Variants in TAFA2 observed in about 807,000 individuals in gnomAD.
TAFA2 encodes the protein TAFA chemokine like family member 2.
In TAFA2, 7 loss-of-function variants were observed where a neutral mutation model predicts 18.8. The observed-to-expected ratio is 0.37, with a 90% CI of 0.21 to 0.70. TAFA2 has a LOEUF of 0.70. TAFA2 is among the 30% of genes least tolerant of loss of function. The pLI is 0.53. For missense variants in TAFA2, 122 were observed against 158.1 expected (o/e 0.77, Z 1.23); for synonymous variants, 60 against 54.2 (o/e 1.11, Z -0.47).
chr12:62,071,644 A>G (rs1882633796), intron 1 of TAFA2, among the ~76,000 whole-genome samples: 1 of 152,210 alleles, frequency 6.6e-6, no homozygotes, highest in African/African-American at 2.4e-5. Flanking sequence ...GGGACATAAT[A>G]ATCCATGGGA....
intron 1 of TAFA2, among the ~76,000 whole-genome samples, chr12:62,114,034 G>A (rs924433974): frequency 6.6e-6 from 1 of 152,036 alleles, no homozygotes; most frequent in African/African-American, 2.4e-5. Flanking sequence ...GTGCCACCAG[G>A]GTGTGAAAAA....
At position 62,146,702 on chromosome 12, in the gene TAFA2, A is replaced by G. The variant is rs1296364307; in HGVS notation, c.-2+44557T>C. Among the ~76,000 whole-genome samples the G allele has an allele frequency of 2.0e-5, 3 of 152,240 alleles. No individual in the cohort carries two copies. In the East Asian group the frequency reaches 5.8e-4, roughly 29 times the overall value. On this transcript the variant is annotated intron_variant, in intron 1 of 4. Transcript: ENST00000416284. ...GGCAATATGAAAAGTGCCATGCAACATCCTGTTACAAATAGAAACACAATC... is the reference window on the plus strand; with the variant it reads ...GGCAATATGAAAAGTGCCATGCAACGTCCTGTTACAAATAGAAACACAATC...
intron 2 of TAFA2, among the ~76,000 whole-genome samples, chr12:61,759,362 T>C (rs552327443): frequency 1.9e-3 from 293 of 152,092 alleles, no homozygotes; most frequent in Middle Eastern, 0.01. Flanking sequence ...TAAAGTAATA[T>C]GGGCCACTTA....
At chr12:62,086,425 A>G (rs371780992) in intron 1 of TAFA2, among the ~76,000 whole-genome samples, 8 of 152,294 alleles carry the variant, frequency 5.3e-5, no homozygotes, top group African/African-American at 1.9e-4. Flanking sequence ...TCCAGCATAT[A>G]TAAAGAACTC....
At chr12:61,811,330 T>C (rs1328377233) in intron 2 of TAFA2, among the ~76,000 whole-genome samples, 2 of 151,384 alleles carry the variant, frequency 1.3e-5, no homozygotes, top group Non-Finnish European at 2.9e-5. Context: ...GATTATATAG[T>C]ATTAGTTGGC....
chr12:61,911,127 A>G (rs1876593201), intron 1 of TAFA2, among the ~76,000 whole-genome samples: 1 of 152,194 alleles, frequency 6.6e-6, no homozygotes, highest in Non-Finnish European at 1.5e-5. Flanking sequence ...TTCTAGGCCA[A>G]TTATTTAAGA....
At chr12:61,741,449 G>C (rs1331474038) in intron 4 of TAFA2, among the ~76,000 whole-genome samples, 1 of 152,022 alleles carries the variant, frequency 6.6e-6, no homozygotes, top group East Asian at 1.9e-4. Flanking sequence ...CAGATATAAA[G>C]GCAAGAAAAA....
intron 1 of TAFA2, among the ~76,000 whole-genome samples, chr12:61,870,864 A>G (rs1874569912): frequency 6.6e-6 from 1 of 152,146 alleles, no homozygotes; most frequent in South Asian, 2.1e-4. Flanking sequence ...CACTTGCCAT[A>G]CCATATTATA....
intron 4 of TAFA2, among the ~76,000 whole-genome samples, chr12:61,713,547 C>G (rs956890098): frequency 2.0e-5 from 3 of 152,116 alleles, no homozygotes; most frequent in Non-Finnish European, 2.9e-5. Context: ...GTATAAATAT[C>G]TACCAGCACC....
intron 1 of TAFA2, among the ~76,000 whole-genome samples, chr12:62,237,461 C>CA (rs2062843370): frequency 6.6e-6 from 1 of 152,194 alleles, no homozygotes; most frequent in African/African-American, 2.4e-5. Context: ...TCTTGGAATT[C>CA]ACTGAGTTTC....
At chr12:61,860,313 A>G (rs1357118745) in intron 2 of TAFA2, among the ~76,000 whole-genome samples, 1 of 152,218 alleles carries the variant, frequency 6.6e-6, no homozygotes, top group African/African-American at 2.4e-5. Flanking sequence ...TGTGTCATTA[A>G]AAGTCCAGAA....
At chr12:62,207,010 G>A (rs2062694414) in intron 1 of TAFA2, 1 of 152,118 alleles carries the variant, frequency 6.6e-6, no homozygotes, top group Non-Finnish European at 1.5e-5. Context: ...TGCCTAGTTA[G>A]CTCCAACTCA....
chr12:62,122,779 T>A (rs1146086), intron 1 of TAFA2, among the ~76,000 whole-genome samples: 1 of 152,116 alleles, frequency 6.6e-6, no homozygotes. Flanking sequence ...CTGGGTACAT[T>A]GAGAAACACC....
At chr12:62,123,848 A>G (rs1870333326) in intron 1 of TAFA2, among the ~76,000 whole-genome samples, 1 of 150,088 alleles carries the variant, frequency 6.7e-6, no homozygotes, top group Admixed American at 6.7e-5. Flanking sequence ...TAAACCATCA[A>G]AATCGCTCCT....
intron 1 of TAFA2, among the ~76,000 whole-genome samples, chr12:61,878,791 C>T (rs1874978999): frequency 6.6e-6 from 1 of 152,094 alleles, no homozygotes; most frequent in Non-Finnish European, 1.5e-5. Flanking sequence ...AGCTAAGCTC[C>T]TTGACAAACC....
At chr12:61,712,333 T>C (rs1869449777) in intron 4 of TAFA2, among the ~76,000 whole-genome samples, 1 of 152,180 alleles carries the variant, frequency 6.6e-6, no homozygotes, top group South Asian at 2.1e-4. Flanking sequence ...CTAGTTTATA[T>C]AAAGTTGAGA....
intron 1 of TAFA2, among the ~76,000 whole-genome samples, chr12:62,017,704 G>C (rs1419775688): frequency 6.6e-6 from 1 of 152,084 alleles, no homozygotes; most frequent in Non-Finnish European, 1.5e-5. Flanking sequence ...TCTCACTAAA[G>C]TATGGTTCCT....
At chr12:61,722,363 T>C (rs1160111991) in intron 4 of TAFA2, among the ~76,000 whole-genome samples, 2 of 152,076 alleles carry the variant, frequency 1.3e-5, no homozygotes, top group Non-Finnish European at 2.9e-5. Flanking sequence ...AACCAGAAAA[T>C]GTAAGATTTA....
At chr12:61,909,153 C>T (rs1876494285) in intron 1 of TAFA2, among the ~76,000 whole-genome samples, 1 of 152,176 alleles carries the variant, frequency 6.6e-6, no homozygotes, top group African/African-American at 2.4e-5. Flanking sequence ...GCCACAAATT[C>T]ATAAACTATA....
Sources: allele counts gnomAD v4.1 joint callset (sites outside exome capture counted in the v4.1 genomes callset), GRCh38; gene constraint gnomAD v4.1.1; transcripts MANE v1.5; gene names NCBI Gene and HGNC (gene_info 2026-07-23, HGNC 2026-07-21).